Variants in ZFP36 observed in about 807,000 individuals in gnomAD.
The protein encoded by ZFP36 is ZFP36 zinc finger CCCH-type, also known as mRNA decay activator protein ZFP36.
A neutral mutation model predicts 19.8 loss-of-function variants in ZFP36; 13 were observed. The ratio of observed to expected loss-of-function variants is 0.66; its 90% CI spans 0.43 to 1.04. ZFP36 has a LOEUF of 1.04. Among genes scored for constraint, ZFP36 ranks in the 50% least tolerant of loss-of-function variants. ZFP36 has a pLI of 0.00. For synonymous variants in ZFP36, 191 were observed against 194.5 expected (o/e 0.98, Z 0.15); for missense variants, 354 against 441.6 (o/e 0.80, Z 1.78).
Position 39,408,034 on chromosome 19 carries a change from A to G in ZFP36, c.316A>G (p.Thr106Ala). The change falls in exon 2 of 2, where the codon ACT becomes GCT. Residue 106 changes from threonine (T) to alanine (A), a missense_variant. Thr to Ala is a moderately conservative substitution (Grantham distance 58). Transcript: ENST00000597629. This position sits in a 1 kb window ranked among gnomAD's most constrained non-coding sequence, Gnocchi z 6.0. ...ATSTTPSRYK[T>A]ELCRTFSESG... is the part of the protein sequence containing the mutation. ...CTCCACCACCCCCTCGCGCTACAAG[A>G]CTGAGCTATGTCGGACCTTCTCAGA... is the stretch of plus-strand genomic sequence containing the variant. 6.2e-7 allele frequency: 1 copy of G among 1,613,628 alleles called. No individual in the cohort carries two copies. Among genetic ancestry groups the G allele is most frequent in the Non-Finnish European group, 8.5e-7 (1 of 1,179,960 alleles).
rs936735238 is a variant in ZFP36, at chr19:39,408,801, C to T, written c.*102C>T. ...CCCAGGGCTGTGGGGACTTGGGGGA[C>T]AGTAATCAAGTAATCCCCTTTTCCA... On this transcript the variant is annotated 3_prime_UTR_variant, in exon 2 of 2. Transcript: ENST00000597629. This position sits in a 1 kb window ranked among gnomAD's most constrained non-coding sequence, Gnocchi z 6.0. The T allele has an allele frequency of 2.5e-6, 3 of 1,200,260 alleles. No individual in the cohort carries two copies. The South Asian group carries it at 4.6e-5, about 18-fold the overall frequency. 74.4% of individuals were successfully genotyped at this position (1,200,260 alleles called of 1,614,324 possible).
At position 39,408,656 on chromosome 19, in the gene ZFP36, C is replaced by T; in HGVS notation, c.938C>T (p.Pro313Leu). ...VFAPPQPVAA[P>L]RRLPIFNRIS... ...GCACCACCCCAGCCCGTGGCAGCCCCCCGGCGACTCCCCATCTTCAATCGC... is the reference window on the plus strand; with the variant it reads ...GCACCACCCCAGCCCGTGGCAGCCCTCCGGCGACTCCCCATCTTCAATCGC... The change falls in exon 2 of 2, where the codon CCC (proline) becomes CTC (leucine). Residue 313 changes from proline to leucine, a missense_variant. By Grantham distance (98) the Pro-to-Leu change is moderately conservative. Transcript: ENST00000597629. This position sits in a 1 kb window ranked among gnomAD's most constrained non-coding sequence, Gnocchi z 6.0. The T allele has an allele frequency of 6.3e-7, 1 of 1,580,896 alleles. No homozygotes were observed. The highest frequency in any genetic ancestry group is 1.2e-5 in the South Asian group (1 of 85,880).
At chr19:39,406,998 G>A (rs753152716) in intron 1 of ZFP36, 70 bp downstream of exon 1, 13 of 1,566,274 alleles carry the variant, frequency 8.3e-6, no homozygotes, top group South Asian at 8.0e-5. Flanking sequence ...CTCTAGCGCC[G>A]CAAACTCCAG....
In ZFP36 at chr19:39,408,552, A is replaced by T. The variant is rs370614345; in HGVS notation, c.834A>T (p.Gly278=). ...LVRTPSVQSL[G]SDPDEYASSG... ...GGACCCCCTCTGTACAGTCCCTGGG[A>T]TCCGACCCTGATGAATATGCCAGCA... The change falls in exon 2 of 2, where the codon GGA becomes GGT. Residue 278 remains glycine, a synonymous_variant. Transcript: ENST00000597629. The surrounding 1 kb of genome is among the most constrained non-coding windows in gnomAD (Gnocchi z 6.0). The T allele has an allele frequency of 1.3e-4, 216 of 1,613,268 alleles. No homozygotes were observed. Among genetic ancestry groups the T allele is most frequent in the Non-Finnish European group, 1.7e-4 (200 of 1,179,646 alleles).
chr19:39,408,474 C>A lies in ZFP36; in HGVS notation c.756C>A (p.Ser252=). ...RRDPTPVCCP[S]CRRATPISVW... Reference sequence around the variant, plus strand: ...ACCCCACCCCAGTCTGTTGCCCCTCCTGCCGAAGGGCCACTCCTATCAGCG... The same window carrying A: ...ACCCCACCCCAGTCTGTTGCCCCTCATGCCGAAGGGCCACTCCTATCAGCG... Residue 252 remains serine, a synonymous_variant, in exon 2 of 2, where the codon TCC becomes TCA. Transcript: ENST00000597629. This position sits in a 1 kb window ranked among gnomAD's most constrained non-coding sequence, Gnocchi z 6.0. 3 of 1,608,108 alleles carry A rather than the reference C, an allele frequency of 1.9e-6. No homozygotes were observed. Among genetic ancestry groups the A allele is most frequent in the Non-Finnish European group, 2.5e-6 (3 of 1,176,692 alleles).
chr19:39,407,243 C>G lies in ZFP36; in HGVS notation c.24+315C>G. The G allele has an allele frequency of 3.9e-6, 2 of 517,470 alleles. No individual in the cohort carries two copies. Among genetic ancestry groups the G allele is most frequent in the Non-Finnish European group, 6.8e-6 (2 of 294,554 alleles). 32.1% of individuals were successfully genotyped at this position (517,470 alleles called of 1,614,324 possible). A position where few individuals can be genotyped will look rare whatever the true frequency, so the allele number is the denominator to read the frequency against. Reference sequence around the variant, plus strand: ...GAAGTGGCCCCCATACCTGGCTCACCCCTAGTCGTTGCTGAGGGCGTGGTT... The same window carrying G: ...GAAGTGGCCCCCATACCTGGCTCACGCCTAGTCGTTGCTGAGGGCGTGGTT... On this transcript the variant is annotated intron_variant, in intron 1 of 1. Transcript: ENST00000597629. The surrounding 1 kb of genome is among the most constrained non-coding windows in gnomAD (Gnocchi z 7.6).
In ZFP36 at chr19:39,408,519, C is replaced by G. The variant is rs2078489630; in HGVS notation, c.801C>G (p.Gly267=). The change falls in exon 2 of 2, where the codon GGC becomes GGG. Residue 267 remains glycine (G), a synonymous_variant. Transcript: ENST00000597629. The surrounding 1 kb of genome is among the most constrained non-coding windows in gnomAD (Gnocchi z 6.0). ...TCAGCGTCTGGGGGCCCTTGGGTGG[C>G]CTGGTTCGGACCCCCTCTGTACAGT... ...TPISVWGPLG[G]LVRTPSVQSL... 6.2e-7 allele frequency: 1 copy of G among 1,604,206 alleles called. No individual in the cohort carries two copies.
rs750205706 is a variant in ZFP36 at position 39,408,138 on chromosome 19, C to T, written c.420C>T (p.Pro140=). 9 of 1,613,986 alleles carry T rather than the reference C, an allele frequency of 5.6e-6. No homozygotes were observed. The highest frequency in any genetic ancestry group is 7.6e-6 in the Non-Finnish European group (9 of 1,180,022). The change falls in exon 2 of 2, where the codon CCC becomes CCT. Residue 140 remains proline, a synonymous_variant. Coordinates refer to ENST00000597629, the MANE Select transcript of ZFP36 (RefSeq NM_003407.5). This position sits in a 1 kb window ranked among gnomAD's most constrained non-coding sequence, Gnocchi z 6.0. ...AGCTGCGCCAGGCCAATCGCCACCC[C>T]AAATACAAGACGGAACTCTGTCACA... The part of the protein sequence containing the change: ...LGELRQANRH[P]KYKTELCHKF...
rs972292666 is a variant in ZFP36 at position 39,409,364 on chromosome 19, ATT to A, written c.*669_*670del. 2.0e-4 allele frequency: 30 copies of A among 152,194 alleles called. No homozygotes were observed. The highest frequency in any genetic ancestry group is 3.7e-4 in the Non-Finnish European group (25 of 68,144). The allele number at this position is 152,194 out of a possible 1,614,324, so 9.4% of individuals were successfully genotyped here. A position where few individuals can be genotyped will look rare whatever the true frequency, so the allele number is the denominator to read the frequency against. Reference sequence around the variant, plus strand: ...ATATATATTATTACCTTAAAAGTCTATTTTTGTGTTTTGGGCATTTTTAAATA... The same window carrying A: ...ATATATATTATTACCTTAAAAGTCTATTTGTGTTTTGGGCATTTTTAAATA... On this transcript the variant is annotated 3_prime_UTR_variant, in exon 2 of 2. Coordinates refer to ENST00000597629, the MANE Select transcript of ZFP36 (RefSeq NM_003407.5).
Position 39,408,423 on chromosome 19 carries a change from C to T in ZFP36, c.705C>T (p.Ala235=), listed in dbSNP as rs1365777309. Residue 235 remains alanine (A), a synonymous_variant, in exon 2 of 2, where the codon GCC becomes GCT. Coordinates refer to ENST00000597629, the MANE Select transcript of ZFP36 (RefSeq NM_003407.5). This position sits in a 1 kb window ranked among gnomAD's most constrained non-coding sequence, Gnocchi z 6.0. The part of the protein sequence containing the change: ...LPLSPSAFSA[A]PGTPLARRDP... The stretch of plus-strand genomic sequence containing the variant: ...TGTCACCCTCTGCCTTCTCTGCTGC[C>T]CCTGGCACCCCCCTGGCTCGAAGAG... The T allele has an allele frequency of 3.7e-6, 6 of 1,613,402 alleles. No individual in the cohort carries two copies. Among genetic ancestry groups the T allele is most frequent in the Non-Finnish European group, 5.1e-6 (6 of 1,179,740 alleles).
chr19:39,407,847 C>T lies in ZFP36; in HGVS notation c.129C>T (p.Ser43=), dbSNP rs768047522. 1 of 1,606,204 alleles carries T rather than the reference C, an allele frequency of 6.2e-7. No individual in the cohort carries two copies. ...GSSGPWSLSP[S]DSSPSGVTSR... is the part of the protein sequence containing the mutation. ...CGGGACCCTGGAGCCTGAGCCCCTC[C>T]GACTCCAGCCCGTCTGGGGTCACCT... is the stretch of plus-strand genomic sequence containing the variant. The change falls in exon 2 of 2, where the codon TCC becomes TCT. Residue 43 remains serine, a synonymous_variant. Transcript: ENST00000597629. This position sits in a 1 kb window ranked among gnomAD's most constrained non-coding sequence, Gnocchi z 7.6.
chr19:39,407,773 G>A lies in ZFP36; in HGVS notation c.55G>A (p.Val19Met), dbSNP rs752054358. 6.4e-7 allele frequency: 1 copy of A among 1,553,492 alleles called. No individual in the cohort carries two copies. The highest frequency in any genetic ancestry group is 1.2e-5 in the South Asian group (1 of 83,094). The change falls in exon 2 of 2, where the codon GTG becomes ATG. Residue 19 changes from valine (V) to methionine (M), a missense_variant. Transcript: ENST00000597629. This position sits in a 1 kb window ranked among gnomAD's most constrained non-coding sequence, Gnocchi z 7.6. ...SLLSLSPDVPVPSDHGGTESS... is the reference protein window; with the variant it reads ...SLLSLSPDVPMPSDHGGTESS... ...CCTGTCGCTGAGCCCTGACGTGCCC[G>A]TGCCATCCGACCATGGAGGGACTGA...
Position 39,408,942 on chromosome 19 carries a change from A to G in ZFP36, c.*243A>G, listed in dbSNP as rs1179115647. ...TTCCGAGGTTCTTGGGGGAAAAAAAATTGTAGCATATTTAAGGGAGGCAAT... is the reference window on the plus strand; with the variant it reads ...TTCCGAGGTTCTTGGGGGAAAAAAAGTTGTAGCATATTTAAGGGAGGCAAT... On this transcript the variant is annotated 3_prime_UTR_variant, in exon 2 of 2. Transcript: ENST00000597629. The surrounding 1 kb of genome is among the most constrained non-coding windows in gnomAD (Gnocchi z 6.0). 1 of 401,610 alleles carries G rather than the reference A, an allele frequency of 2.5e-6. No individual in the cohort carries two copies. The highest frequency in any genetic ancestry group is 4.4e-6 in the Non-Finnish European group (1 of 225,410). The allele number at this position is 401,610 out of a possible 1,614,324, so 24.9% of individuals were successfully genotyped here.
In ZFP36 at chr19:39,407,063, A is replaced by G; in HGVS notation, c.24+135A>G. The G allele has an allele frequency of 8.7e-7, 1 of 1,151,996 alleles. No homozygotes were observed. Among genetic ancestry groups the G allele is most frequent in the Non-Finnish European group, 1.2e-6 (1 of 837,876 alleles). 71.4% of individuals were successfully genotyped at this position (1,151,996 alleles called of 1,614,324 possible). A position where few individuals can be genotyped will look rare whatever the true frequency, so the allele number is the denominator to read the frequency against. On this transcript the variant is annotated intron_variant, in intron 1 of 1. Transcript: ENST00000597629. This position sits in a 1 kb window ranked among gnomAD's most constrained non-coding sequence, Gnocchi z 7.6. ...GGGGCTCCCTAGCGCCGCGCCCTCC[A>G]GCCTGGGGCCCCTGCCTCCCGCTCA... is the stretch of plus-strand genomic sequence containing the variant.
At position 39,406,925 on chromosome 19, in the gene ZFP36, C is replaced by T. The variant is rs779315187; in HGVS notation, c.21C>T (p.Tyr7=). 3 of 1,611,914 alleles carry T rather than the reference C, an allele frequency of 1.9e-6. No individual in the cohort carries two copies. The highest frequency in any genetic ancestry group is 2.5e-6 in the Non-Finnish European group (3 of 1,179,482). The change falls in exon 1 of 2, where the codon TAC becomes TAT. Residue 7 remains tyrosine, a synonymous_variant. Transcript: ENST00000597629. The stretch of plus-strand genomic sequence containing the variant: ...ACACCATGGATCTGACTGCCATCTA[C>T]GAGGTGAGTCCCCGCCGCACGGCAT... MDLTAI[Y]ESLLSLSPDV...
rs1004981093 is a variant in ZFP36 at position 39,407,970 on chromosome 19, C to T, written c.252C>T (p.Gly84=). 4 of 1,605,620 alleles carry T rather than the reference C, an allele frequency of 2.5e-6. No homozygotes were observed. The African/African-American group carries it at 4.0e-5, about 16-fold the overall frequency. Reference sequence around the variant, plus strand: ...TCGCACCGCTGGCTCCCCGCCTGGGCCCTGAGCTGTCACCCTCACCCACTT... The same window carrying T: ...TCGCACCGCTGGCTCCCCGCCTGGGTCCTGAGCTGTCACCCTCACCCACTT... ...PGFAPLAPRL[G]PELSPSPTSP... Residue 84 remains glycine, a synonymous_variant, in exon 2 of 2, where the codon GGC becomes GGT. Transcript: ENST00000597629. The surrounding 1 kb of genome is among the most constrained non-coding windows in gnomAD (Gnocchi z 7.6).
rs1204745207 is a variant in ZFP36 at position 39,408,026 on chromosome 19, G to A, written c.308G>A (p.Arg103His). 8 of 1,613,306 alleles carry A rather than the reference G, an allele frequency of 5.0e-6. No homozygotes were observed. The highest frequency in any genetic ancestry group is 1.3e-5 in the African/African-American group (1 of 74,912). The change falls in exon 2 of 2, where the codon CGC becomes CAC. Residue 103 changes from arginine to histidine, a missense_variant. Physicochemically the swap from Arg to His is conservative, Grantham distance 29. Coordinates refer to ENST00000597629, the MANE Select transcript of ZFP36 (RefSeq NM_003407.5). The surrounding 1 kb of genome is among the most constrained non-coding windows in gnomAD (Gnocchi z 6.0). Reference protein sequence around the residue: ...SPTATSTTPSRYKTELCRTFS... With the variant: ...SPTATSTTPSHYKTELCRTFS... ...ACTGCAACCTCCACCACCCCCTCGCGCTACAAGACTGAGCTATGTCGGACC... is the reference window on the plus strand; with the variant it reads ...ACTGCAACCTCCACCACCCCCTCGCACTACAAGACTGAGCTATGTCGGACC...
chr19:39,407,561 G>A lies in ZFP36; in HGVS notation c.25-182G>A, dbSNP rs2078483203. The A allele has an allele frequency of 1.7e-6, 1 of 577,626 alleles. No individual in the cohort carries two copies. Among genetic ancestry groups the A allele is most frequent in the Admixed American group, 2.8e-5 (1 of 35,440 alleles). The allele number at this position is 577,626 out of a possible 1,614,324, so 35.8% of individuals were successfully genotyped here. Reference sequence around the variant, plus strand: ...CTGGGTCCCTCGGGATAAGGCCTCGGTGGTGGGTAAACTCAGAACCTCCAA... The same window carrying A: ...CTGGGTCCCTCGGGATAAGGCCTCGATGGTGGGTAAACTCAGAACCTCCAA... On this transcript the variant is annotated intron_variant, in intron 1 of 1. Transcript: ENST00000597629. This position sits in a 1 kb window ranked among gnomAD's most constrained non-coding sequence, Gnocchi z 7.6.
In ZFP36 at chr19:39,407,618, T is replaced by G; in HGVS notation, c.25-125T>G. The G allele has an allele frequency of 1.2e-6, 1 of 843,502 alleles. No homozygotes were observed. The highest frequency in any genetic ancestry group is 1.8e-6 in the Non-Finnish European group (1 of 566,472). 52.3% of individuals were successfully genotyped at this position (843,502 alleles called of 1,614,324 possible). A position where few individuals can be genotyped will look rare whatever the true frequency, so the allele number is the denominator to read the frequency against. On this transcript the variant is annotated intron_variant, in intron 1 of 1. Transcript: ENST00000597629. The surrounding 1 kb of genome is among the most constrained non-coding windows in gnomAD (Gnocchi z 7.6). ...GTTCCTGGCATCCGGAACCCAGGGGTTTCTGCGGGCGGGTGGGGCTCAGGC... is the reference window on the plus strand; with the variant it reads ...GTTCCTGGCATCCGGAACCCAGGGGGTTCTGCGGGCGGGTGGGGCTCAGGC...
Sources: gnomAD v4.1 joint callset for allele counts on GRCh38, gnomAD v4.1.1 for gene constraint, Gnocchi (gnomAD v3.1) non-coding constraint, MANE v1.5 for transcripts, NCBI Gene and HGNC (gene_info 2026-07-23, HGNC 2026-07-21) for gene names.